CRPPA: variants seen among roughly 807,000 people sequenced by gnomAD.
CRPPA encodes the protein D-ribitol-5-phosphate cytidylyltransferase.
CRPPA carries 43 observed loss-of-function variants against 52.0 expected under a neutral mutation model. The ratio of observed to expected loss-of-function variants is 0.83; its 90% CI spans 0.65 to 1.07. The LOEUF (loss-of-function observed/expected upper bound fraction) is 1.07. Among genes scored for constraint, CRPPA ranks in the 50% least tolerant of loss-of-function variants. CRPPA has a pLI of 0.00. For synonymous variants in CRPPA, 250 were observed against 203.5 expected (o/e 1.23, Z -1.94); for missense variants, 629 against 551.7 (o/e 1.14, Z -1.40).
intron 8 of CRPPA, among the ~76,000 whole-genome samples, chr7:16,217,269 T>C (rs1251148428): frequency 5.3e-5 from 8 of 150,184 alleles, no homozygotes; most frequent in Non-Finnish European, 1.2e-4. Context: ...AGAAAGGACA[T>C]CCACACCAAA....
intron 4 of CRPPA, 128 bp from the exon 5 acceptor site, chr7:16,301,594 A>T: frequency 1.8e-6 from 1 of 569,640 alleles, no homozygotes; most frequent in South Asian, 2.9e-5. Flanking sequence ...CATTTTCTCA[A>T]TTAGAAAAGC....
chr7:16,106,398 T>C (rs565172059), intron 9 of CRPPA, among the ~76,000 whole-genome samples: 1 of 152,268 alleles, frequency 6.6e-6, no homozygotes, highest in African/African-American at 2.4e-5. Context: ...GAATTGGCCA[T>C]CCAGGGAGTG....
chr7:16,307,445 G>A (rs1784934968), intron 4 of CRPPA, among the ~76,000 whole-genome samples: 1 of 151,986 alleles, frequency 6.6e-6, no homozygotes, highest in Non-Finnish European at 1.5e-5. Context: ...ACTTTGGGAG[G>A]CTGAGGCAGG....
intron 2 of CRPPA, among the ~76,000 whole-genome samples, chr7:16,400,222 C>T (rs111851295): frequency 0.014 from 1,583 of 111,364 alleles, 13 homozygotes; most frequent in Non-Finnish European, 0.025. Flanking sequence ...GTGTCCAACA[C>T]GTGGCTGACA....
intron 2 of CRPPA, among the ~76,000 whole-genome samples, chr7:16,384,365 A>G (rs1787199162): frequency 6.6e-6 from 1 of 152,242 alleles, no homozygotes; most frequent in African/African-American, 2.4e-5. Flanking sequence ...GCTAAACTGT[A>G]GGACAGTCAG....
At chr7:16,123,105 A>G (rs1382636153) in intron 9 of CRPPA, among the ~76,000 whole-genome samples, 1 of 152,110 alleles carries the variant, frequency 6.6e-6, no homozygotes, top group Non-Finnish European at 1.5e-5. Flanking sequence ...TTAATATCTT[A>G]TAGTTTGGCT....
At chr7:16,108,602 T>C (rs1314948558) in intron 9 of CRPPA, among the ~76,000 whole-genome samples, 2 of 151,848 alleles carry the variant, frequency 1.3e-5, no homozygotes, top group Admixed American at 6.6e-5. Context: ...CTTTAGACCA[T>C]ATGGACCTCA....
chr7:16,264,996 A>G (rs1377759719), intron 6 of CRPPA, among the ~76,000 whole-genome samples: 1 of 152,212 alleles, frequency 6.6e-6, no homozygotes, highest in Non-Finnish European at 1.5e-5. Flanking sequence ...TAGAATTTAT[A>G]TGAGGATTGG....
chr7:16,234,291 A>T (rs534726804), intron 8 of CRPPA, among the ~76,000 whole-genome samples: 92 of 152,272 alleles, frequency 6.0e-4, no homozygotes, highest in African/African-American at 2.2e-3. Context: ...CCCATTTAGA[A>T]ATGAGAAATA....
At chr7:16,244,984 T>A (rs773433730) in intron 8 of CRPPA, among the ~76,000 whole-genome samples, 77 of 152,138 alleles carry the variant, frequency 5.1e-4, no homozygotes, top group Non-Finnish European at 9.6e-4. Context: ...GGGAAGCAAG[T>A]GATCACACTC....
At chr7:16,367,798 G>GT (rs932266575) in intron 3 of CRPPA, among the ~76,000 whole-genome samples, 4 of 152,224 alleles carry the variant, frequency 2.6e-5, no homozygotes, top group African/African-American at 9.6e-5. Flanking sequence ...GCGGGGAGGG[G>GT]TTGTTTCAAT....
chr7:16,191,201 C>G (rs1183096254), intron 9 of CRPPA, among the ~76,000 whole-genome samples: 3 of 152,024 alleles, frequency 2.0e-5, no homozygotes, highest in Non-Finnish European at 2.9e-5. Flanking sequence ...TTAGAAGAAC[C>G]AGCAATCTTA....
intron 3 of CRPPA, among the ~76,000 whole-genome samples, chr7:16,365,456 G>A (rs1467955433): frequency 2.0e-5 from 3 of 152,142 alleles, no homozygotes; most frequent in Non-Finnish European, 2.9e-5. Flanking sequence ...GTGCTGAAAC[G>A]ATAATCTTGA....
chr7:16,332,837 T>G (rs1286279652), intron 3 of CRPPA, among the ~76,000 whole-genome samples: 2 of 151,826 alleles, frequency 1.3e-5, no homozygotes, highest in African/African-American at 4.8e-5. Flanking sequence ...ATATACCAAT[T>G]AAGAGAAAAA....
Position 16,255,357 on chromosome 7 carries a change from C to T in CRPPA, c.1119+3033G>A, listed in dbSNP as rs150753605. On this transcript the variant is annotated intron_variant, in intron 8 of 9. Coordinates refer to ENST00000407010, the MANE Select transcript of CRPPA (RefSeq NM_001101426.4). ...GGAAGAGTCAACATTGTGAAAATGGCCATGCTGCCCAAAGTAATTTATAGA... is the reference window on the plus strand; with the variant it reads ...GGAAGAGTCAACATTGTGAAAATGGTCATGCTGCCCAAAGTAATTTATAGA... 1.4e-3 allele frequency among the ~76,000 whole-genome samples: 207 copies of T among 152,216 alleles called. 5 individuals carry two copies. The East Asian group carries it at 0.037, about 27-fold the overall frequency.
chr7:16,419,569 A>T (rs1316435340), intron 1 of CRPPA, among the ~76,000 whole-genome samples: 1 of 152,144 alleles, frequency 6.6e-6, no homozygotes, highest in Non-Finnish European at 1.5e-5. Context: ...AACCTCTCCA[A>T]ATTGCTCCTG....
At chr7:16,256,467 T>A (rs1363753687) in intron 8 of CRPPA, among the ~76,000 whole-genome samples, 1 of 152,164 alleles carries the variant, frequency 6.6e-6, no homozygotes, top group Admixed American at 6.5e-5. Flanking sequence ...TGCACACGTA[T>A]GTTTATTGCA....
At chr7:16,200,970 C>T (rs1034558224) in intron 9 of CRPPA, among the ~76,000 whole-genome samples, 6 of 152,084 alleles carry the variant, frequency 3.9e-5, no homozygotes, top group African/African-American at 1.4e-4. Context: ...TTTATAGAAG[C>T]ATTTTTCCTT....
chr7:16,420,130 C>T (rs868613349), intron 1 of CRPPA, among the ~76,000 whole-genome samples: 7 of 152,288 alleles, frequency 4.6e-5, no homozygotes, highest in Middle Eastern at 3.4e-3. Flanking sequence ...TAGAACCTCA[C>T]TAGCTTGGTT....
Sources: gnomAD v4.1 joint callset for allele counts (sites outside exome capture counted in the v4.1 genomes callset) on GRCh38, gnomAD v4.1.1 for gene constraint, MANE v1.5 for transcripts, NCBI Gene and HGNC (gene_info 2026-07-23, HGNC 2026-07-21) for gene names.